Variants in GPC5 observed in about 807,000 individuals in gnomAD.
GPC5 encodes glypican 5, also known as glypican-5.
A neutral mutation model predicts 53.9 loss-of-function variants in GPC5; 47 were observed. The observed-to-expected ratio is 0.87, with a 90% CI of 0.69 to 1.11. The LOEUF is 1.11. Ranked by LOEUF, GPC5 falls within the 50% of genes most tolerant of loss-of-function variation. The probability of loss-of-function intolerance (pLI) is 0.00; values close to 1 mark genes in which losing one functional copy is unlikely to be tolerated. For synonymous variants in GPC5, 286 were observed against 263.3 expected (o/e 1.09, Z -0.84); for missense variants, 748 against 713.1 (o/e 1.05, Z -0.56).
At chr13:92,338,849 T>C (rs958200662) in intron 7 of GPC5, among the ~76,000 whole-genome samples, 2 of 152,120 alleles carry the variant, frequency 1.3e-5, no homozygotes, top group Non-Finnish European at 2.9e-5. Flanking sequence ...ACCTAAAGAA[T>C]GTACAATATC....
At chr13:91,517,510 G>A (rs1885568102) in intron 2 of GPC5, among the ~76,000 whole-genome samples, 1 of 152,086 alleles carries the variant, frequency 6.6e-6, no homozygotes, top group African/African-American at 2.4e-5. Context: ...CAGCATTTTG[G>A]TCAAAGCCAT....
chr13:91,423,529 G>A (rs994899278), intron 1 of GPC5, among the ~76,000 whole-genome samples: 2 of 152,118 alleles, frequency 1.3e-5, no homozygotes, highest in African/African-American at 4.8e-5. Flanking sequence ...ATAGGCTTAA[G>A]AAGCCTACTA....
intron 7 of GPC5, among the ~76,000 whole-genome samples, chr13:92,304,381 T>C (rs2139201705): frequency 6.6e-6 from 1 of 152,064 alleles, no homozygotes; most frequent in South Asian, 2.1e-4. Context: ...ATTTTTTGTA[T>C]TTTTAGTAGA....
At chr13:92,613,642 T>A (rs555652754) in intron 7 of GPC5, among the ~76,000 whole-genome samples, 1 of 136,910 alleles carries the variant, frequency 7.3e-6, no homozygotes, top group African/African-American at 2.7e-5. Context: ...TTTATAAATA[T>A]TAAATATATA....
chr13:92,329,733 G>T (rs144426789), intron 7 of GPC5, among the ~76,000 whole-genome samples: 4 of 152,082 alleles, frequency 2.6e-5, no homozygotes, highest in African/African-American at 7.2e-5. Flanking sequence ...AAAACATGGA[G>T]TTTTTCAATG....
intron 5 of GPC5, among the ~76,000 whole-genome samples, chr13:91,828,591 A>G (rs2038610647): frequency 6.6e-6 from 1 of 152,066 alleles, no homozygotes; most frequent in Non-Finnish European, 1.5e-5. Context: ...TAGGGAAACT[A>G]CAACATCTGC....
chr13:92,506,265 C>T (rs1880365369), intron 7 of GPC5, among the ~76,000 whole-genome samples: 1 of 152,054 alleles, frequency 6.6e-6, no homozygotes, highest in South Asian at 2.1e-4. Flanking sequence ...ATTATAGGAA[C>T]ACACACTTTT....
chr13:92,609,608 C>T (rs1238029844), intron 7 of GPC5, among the ~76,000 whole-genome samples: 1 of 152,108 alleles, frequency 6.6e-6, no homozygotes, highest in African/African-American at 2.4e-5. Context: ...GCTGTGTTGA[C>T]CAGCTTTCAT....
At chr13:92,044,785 G>T (rs1189036694) in intron 6 of GPC5, among the ~76,000 whole-genome samples, 2 of 152,146 alleles carry the variant, frequency 1.3e-5, no homozygotes, top group Non-Finnish European at 2.9e-5. Context: ...AGATGTTGAT[G>T]TATTAATTCC....
At chr13:92,719,399 T>C (rs1663342890) in intron 7 of GPC5, among the ~76,000 whole-genome samples, 1 of 152,226 alleles carries the variant, frequency 6.6e-6, no homozygotes, top group Admixed American at 6.5e-5. Flanking sequence ...ATGGGCGTTT[T>C]ATATTTTTCT....
intron 6 of GPC5, among the ~76,000 whole-genome samples, chr13:92,079,568 T>C (rs763461705): frequency 1.3e-5 from 2 of 152,214 alleles, no homozygotes; most frequent in Non-Finnish European, 2.9e-5. Context: ...ACTCAGTGTC[T>C]GCCATGCCAG....
intron 7 of GPC5, among the ~76,000 whole-genome samples, chr13:92,669,688 C>T (rs1480598372): frequency 3.9e-5 from 6 of 152,222 alleles, no homozygotes; most frequent in Admixed American, 3.3e-4. Context: ...GGCATTTGTC[C>T]TCTTGGAAAG....
intron 6 of GPC5, among the ~76,000 whole-genome samples, chr13:91,942,856 CAAT>C (rs1353393842): frequency 2.0e-5 from 3 of 151,994 alleles, no homozygotes; most frequent in African/African-American, 7.2e-5. Context: ...CTTTTAACTA[CAAT>C]AATTATACAT....
rs967028954 is a variant in GPC5, at chr13:92,353,003, G to A, written c.1561+208014G>A. Among the ~76,000 whole-genome samples the A allele has an allele frequency of 4.6e-5, 7 of 152,212 alleles. 1 individual carries two copies. In the East Asian group the frequency reaches 1.4e-3, roughly 29 times the overall value. ...AGGCCGGGCGCGGTGGCTCACGCCT[G>A]TAATCCCAGCACTTTGGGAGGCCGA... On this transcript the variant is annotated intron_variant, in intron 7 of 7. Transcript: ENST00000377067.
chr13:92,001,431 T>C (rs1052005725), intron 6 of GPC5, among the ~76,000 whole-genome samples: 1 of 152,194 alleles, frequency 6.6e-6, no homozygotes, highest in African/African-American at 2.4e-5. Flanking sequence ...CAAGATTCCA[T>C]TATAAATTGA....
At chr13:92,238,016 G>A (rs2042582772) in intron 7 of GPC5, among the ~76,000 whole-genome samples, 1 of 151,780 alleles carries the variant, frequency 6.6e-6, no homozygotes, top group Admixed American at 6.6e-5. Context: ...TTTTATGGTG[G>A]AATAACTTAT....
chr13:91,492,654 A>AATCTGCC (rs1399736105), intron 2 of GPC5, among the ~76,000 whole-genome samples: 2 of 152,166 alleles, frequency 1.3e-5, no homozygotes, highest in African/African-American at 4.8e-5. Flanking sequence ...CATATGCTAA[A>AATCTGCC]ATCTGCCAGA....
intron 7 of GPC5, among the ~76,000 whole-genome samples, chr13:92,623,191 T>C (rs1177433080): frequency 3.3e-5 from 5 of 149,332 alleles, no homozygotes; most frequent in Admixed American, 2.7e-4. Context: ...AAGTGAAAAG[T>C]TATATGAACA....
intron 7 of GPC5, among the ~76,000 whole-genome samples, chr13:92,684,582 TA>T (rs1245061160): frequency 6.6e-6 from 1 of 152,172 alleles, no homozygotes; most frequent in Non-Finnish European, 1.5e-5. Flanking sequence ...TCTCTTTTTT[TA>T]TATAGCACTG....
Sources: gnomAD v4.1 joint callset for allele counts (sites outside exome capture counted in the v4.1 genomes callset) on GRCh38, gnomAD v4.1.1 for gene constraint, MANE v1.5 for transcripts, NCBI Gene and HGNC (gene_info 2026-07-23, HGNC 2026-07-21) for gene names.